Variants in PHF12 observed in about 807,000 individuals in gnomAD.
PHF12 encodes PHD finger protein 12, also known as PHD factor 1.
Under a neutral mutation model 99.8 loss-of-function variants are expected in PHF12, and 6 were observed. The observed-to-expected ratio is 0.06, with a 90% confidence interval of 0.03 to 0.12. The LOEUF (loss-of-function observed/expected upper bound fraction) is 0.12. Ranked by LOEUF, PHF12 falls within the 10% of genes least tolerant of loss-of-function variation. The pLI is 1.00. For missense variants in PHF12, 954 were observed against 1,300.1 expected (o/e 0.73, Z 4.09); for synonymous variants, 480 against 514.9 (o/e 0.93, Z 0.92).
At chr17:28,921,921 A>C in intron 4 of PHF12, 113 bp from the exon 5 acceptor site, 1 of 1,420,982 alleles carries the variant, frequency 7.0e-7, no homozygotes, top group Non-Finnish European at 9.5e-7. Context: ...TCATGGCCTA[A>C]GCATGAATTG....
chr17:28,911,150 A>G lies in PHF12; in HGVS notation c.2177T>C (p.Leu726Pro). 6.2e-7 allele frequency: 1 copy of G among 1,614,184 alleles called. No homozygotes were observed. The highest frequency in any genetic ancestry group is 1.1e-5 in the South Asian group (1 of 91,088). The change falls in exon 10 of 15, where the codon CTC (leucine) becomes CCC (proline). Residue 726 changes from leucine to proline, a missense_variant. Transcript: ENST00000332830. ...FPANSTAMVD[L>P]TNSLRAFMDV... ...CATAAATGCTCGAAGTGAGTTGGTG[A>G]GGTCCACCATGGCAGTAGAGTTGGC...
intron 7 of PHF12, among the ~76,000 whole-genome samples, chr17:28,916,220 GT>G (rs1288231161): frequency 6.6e-6 from 1 of 152,098 alleles, no homozygotes; most frequent in Non-Finnish European, 1.5e-5. Flanking sequence ...TTGAGACAGA[GT>G]TTCACTCTTG....
At chr17:28,934,130 T>G (rs1459209537) in intron 2 of PHF12, among the ~76,000 whole-genome samples, 1 of 152,192 alleles carries the variant, frequency 6.6e-6, no homozygotes, top group Non-Finnish European at 1.5e-5. Flanking sequence ...GGCTAGACAA[T>G]GTGCTAAGTG....
At chr17:28,908,999 C>A (rs1479685619) in intron 11 of PHF12, 118 bp from the exon 12 acceptor site, 5 of 933,164 alleles carry the variant, frequency 5.4e-6, no homozygotes, top group Non-Finnish European at 8.3e-6. Flanking sequence ...CTGGATGACT[C>A]ATCTTTCCAA....
At position 28,908,831 on chromosome 17, in the gene PHF12, A is replaced by G. The variant is rs971822054; in HGVS notation, c.2410T>C (p.Leu804=). ...ARAVFYPLLG[L]GGAVNMCYRT... is the part of the protein sequence containing the mutation. The stretch of plus-strand genomic sequence containing the variant: ...TAGCACATGTTCACAGCTCCTCCCA[A>G]CCCTAAGAGGGGGTAGAACACAGCT... Residue 804 remains leucine, a synonymous_variant, in exon 12 of 15, where the codon TTG becomes CTG. Coordinates refer to ENST00000332830, the MANE Select transcript of PHF12 (RefSeq NM_001033561.2). The G allele has an allele frequency of 6.2e-7, 1 of 1,613,666 alleles. No homozygotes were observed. The highest frequency in any genetic ancestry group is 1.6e-4 in the Middle Eastern group (1 of 6,062).
chr17:28,912,864 G>A lies in PHF12; in HGVS notation c.1707C>T (p.Asn569=). Residue 569 remains asparagine, a synonymous_variant, in exon 9 of 15, where the codon AAC becomes AAT. Coordinates refer to ENST00000332830, the MANE Select transcript of PHF12 (RefSeq NM_001033561.2). The part of the protein sequence containing the change: ...STDPRRLPGA[N]TPLPGLSHRQ... ...GGTGTGAGAGGCCTGGTAGTGGGGTGTTAGCGCCTGGAAGTCGCCGGGGGT... is the reference window on the plus strand; with the variant it reads ...GGTGTGAGAGGCCTGGTAGTGGGGTATTAGCGCCTGGAAGTCGCCGGGGGT... 1 of 1,611,460 alleles carries A rather than the reference G, an allele frequency of 6.2e-7. No individual in the cohort carries two copies. The highest frequency in any genetic ancestry group is 8.5e-7 in the Non-Finnish European group (1 of 1,178,102).
intron 8 of PHF12, 124 bp from the exon 9 acceptor site, chr17:28,913,401 A>G: frequency 6.8e-7 from 1 of 1,461,736 alleles, no homozygotes; most frequent in Non-Finnish European, 9.0e-7. Context: ...GAATGCTCAC[A>G]AAGGGTGTGC....
rs1001498394 is a variant in PHF12, at chr17:28,906,681, T to G, written c.2681-164A>C. Reference sequence around the variant, plus strand: ...GTGGAGTCTGAAGTCCCCACAGGTGTGTACACACATGGGGGTACTCAGCAC... The same window carrying G: ...GTGGAGTCTGAAGTCCCCACAGGTGGGTACACACATGGGGGTACTCAGCAC... On this transcript the variant is annotated intron_variant, in intron 14 of 14. Transcript: ENST00000332830. This position sits in a 1 kb window ranked among gnomAD's most constrained non-coding sequence, Gnocchi z 4.2. 7 of 1,192,404 alleles carry G rather than the reference T, an allele frequency of 5.9e-6. No homozygotes were observed. Among genetic ancestry groups the G allele is most frequent in the Non-Finnish European group, 8.1e-6 (7 of 859,732 alleles). 73.9% of individuals were successfully genotyped at this position (1,192,404 alleles called of 1,614,324 possible).
intron 2 of PHF12, among the ~76,000 whole-genome samples, chr17:28,943,084 G>A (rs2040650282): frequency 6.6e-6 from 1 of 152,144 alleles, no homozygotes; most frequent in South Asian, 2.1e-4. Context: ...AGCCTTCAGG[G>A]AAATCTGATT....
intron 2 of PHF12, chr17:28,944,829 G>A (rs1015749867): frequency 1.3e-5 from 2 of 152,222 alleles, no homozygotes; most frequent in African/African-American, 4.8e-5. Flanking sequence ...GTCACCTCCA[G>A]TTCGTCAGTG....
rs1409788684 is a variant in PHF12 at position 28,950,192 on chromosome 17, G to A, written c.121C>T (p.Arg41Trp). 6.2e-7 allele frequency: 1 copy of A among 1,613,328 alleles called. No individual in the cohort carries two copies. Among genetic ancestry groups the A allele is most frequent in the Non-Finnish European group, 8.5e-7 (1 of 1,179,974 alleles). Reference sequence around the variant, plus strand: ...CTCCGGGGCTCCTTCTCAGGCTTCCGACTGCGCTTTTCTGCCTCGTCCGTC... The same window carrying A: ...CTCCGGGGCTCCTTCTCAGGCTTCCAACTGCGCTTTTCTGCCTCGTCCGTC... ...PKTDEAEKRSRKPEKEPRRSG... is the reference protein window; with the variant it reads ...PKTDEAEKRSWKPEKEPRRSG... Residue 41 changes from arginine (R) to tryptophan (W), a missense_variant, in exon 2 of 15, where the codon CGG (arginine) becomes TGG (tryptophan). Coordinates refer to ENST00000332830, the MANE Select transcript of PHF12 (RefSeq NM_001033561.2). The surrounding 1 kb of genome is among the most constrained non-coding windows in gnomAD (Gnocchi z 5.7).
chr17:28,908,918 C>T (rs201362800), intron 11 of PHF12, 37 bp from the exon 12 acceptor site: 14 of 1,570,302 alleles, frequency 8.9e-6, no homozygotes, highest in South Asian at 5.7e-5. Context: ...CATTCAGAAA[C>T]TCAGATCCTG....
In PHF12 at chr17:28,950,465, GGGA is replaced by G. The variant is rs917695094; in HGVS notation, c.67-222_67-220del. On this transcript the variant is annotated intron_variant, in intron 1 of 14. Coordinates refer to ENST00000332830, the MANE Select transcript of PHF12 (RefSeq NM_001033561.2). This position sits in a 1 kb window ranked among gnomAD's most constrained non-coding sequence, Gnocchi z 5.7. ...CAACGAGAACAGCTTCTTCCAAATGGGGAGGATCAAGGGTAGGGGGATGGGAAG... is the reference window on the plus strand; with the variant it reads ...CAACGAGAACAGCTTCTTCCAAATGGGGATCAAGGGTAGGGGGATGGGAAG... 9 of 595,006 alleles carry G rather than the reference GGGA, an allele frequency of 1.5e-5. No individual in the cohort carries two copies. Among genetic ancestry groups the G allele is most frequent in the African/African-American group, 1.1e-4 (6 of 53,564 alleles). The allele number at this position is 595,006 out of a possible 1,614,324, so 36.9% of individuals were successfully genotyped here. A position where few individuals can be genotyped will look rare whatever the true frequency, so the allele number is the denominator to read the frequency against.
In PHF12 at chr17:28,912,858, T is replaced by C. The variant is rs760846498; in HGVS notation, c.1713A>G (p.Pro571=). 1.2e-6 allele frequency: 2 copies of C among 1,610,118 alleles called. No individual in the cohort carries two copies. The highest frequency in any genetic ancestry group is 1.7e-6 in the Non-Finnish European group (2 of 1,177,394). Residue 571 remains proline, a synonymous_variant, in exon 9 of 15, where the codon CCA becomes CCG. Transcript: ENST00000332830. ...CTTGCCGGTGTGAGAGGCCTGGTAG[T>C]GGGGTGTTAGCGCCTGGAAGTCGCC... The part of the protein sequence containing the change: ...DPRRLPGANT[P]LPGLSHRQGW...
At chr17:28,928,770 C>A (rs2040332457) in intron 2 of PHF12, among the ~76,000 whole-genome samples, 1 of 151,098 alleles carries the variant, frequency 6.6e-6, no homozygotes, top group Non-Finnish European at 1.5e-5. Flanking sequence ...TGACAAAACT[C>A]CATCTCAAAA....
At chr17:28,926,851 G>T in intron 3 of PHF12, 140 bp downstream of exon 3, 1 of 1,549,454 alleles carries the variant, frequency 6.5e-7, no homozygotes, top group African/African-American at 1.4e-5. Flanking sequence ...AGTCACCATG[G>T]GAAGAGTGGG....
intron 2 of PHF12, among the ~76,000 whole-genome samples, chr17:28,932,961 C>T (rs550915335): frequency 1.3e-5 from 2 of 152,150 alleles, no homozygotes; most frequent in Admixed American, 6.5e-5. Flanking sequence ...AACAAAAACC[C>T]CTTCTTCCTT....
intron 2 of PHF12, among the ~76,000 whole-genome samples, chr17:28,940,464 T>A (rs946138641): frequency 1.3e-5 from 2 of 152,246 alleles, no homozygotes; most frequent in Non-Finnish European, 2.9e-5. Context: ...AAGGTGCACA[T>A]GTAATTTACT....
chr17:28,942,038 C>G (rs2040626990), intron 2 of PHF12, among the ~76,000 whole-genome samples: 2 of 152,166 alleles, frequency 1.3e-5, no homozygotes, highest in African/African-American at 4.8e-5. Flanking sequence ...TGTACTTCCT[C>G]TAAGGCAACA....
Sources: gnomAD v4.1 joint callset for allele counts (sites outside exome capture counted in the v4.1 genomes callset) on GRCh38, gnomAD v4.1.1 for gene constraint, Gnocchi (gnomAD v3.1) non-coding constraint, MANE v1.5 for transcripts, NCBI Gene and HGNC (gene_info 2026-07-23, HGNC 2026-07-21) for gene names.